CNTN5: variants seen among roughly 807,000 people sequenced by gnomAD.
CNTN5 encodes the protein contactin-5.
A neutral mutation model predicts 129.1 loss-of-function variants in CNTN5; 77 were observed. The observed-to-expected ratio is 0.60, with a 90% CI of 0.50 to 0.72. The LOEUF (loss-of-function observed/expected upper bound fraction) is 0.72. Ranked by LOEUF, CNTN5 falls within the 30% of genes least tolerant of loss-of-function variation. CNTN5 has a pLI of 0.00. For synonymous variants in CNTN5, 509 were observed against 465.6 expected (o/e 1.09, Z -1.20); for missense variants, 1,478 against 1,328.8 (o/e 1.11, Z -1.75).
At chr11:100,193,998 T>TA (rs1391399744) in intron 15 of CNTN5, among the ~76,000 whole-genome samples, 1 of 151,942 alleles carries the variant, frequency 6.6e-6, no homozygotes, top group East Asian at 1.9e-4. Context: ...GTAATTATGA[T>TA]AAAATAAATA....
chr11:99,480,964 A>T (rs1945574464), intron 2 of CNTN5, among the ~76,000 whole-genome samples: 2 of 152,172 alleles, frequency 1.3e-5, no homozygotes, highest in African/African-American at 2.4e-5. Flanking sequence ...CACGAAATTC[A>T]CTTGCATATG....
At chr11:99,447,777 T>C (rs1412628567) in intron 2 of CNTN5, among the ~76,000 whole-genome samples, 1 of 151,988 alleles carries the variant, frequency 6.6e-6, no homozygotes, top group Non-Finnish European at 1.5e-5. Context: ...ATACAAAAAC[T>C]AGCTGGGTGT....
At chr11:99,850,235 T>A (rs993676829) in intron 6 of CNTN5, among the ~76,000 whole-genome samples, 4 of 152,262 alleles carry the variant, frequency 2.6e-5, no homozygotes, top group African/African-American at 9.6e-5. Context: ...TAATAAAACC[T>A]TTTCCTCATA....
At chr11:99,131,249 G>GAAAAAAAAAAAAAAAAAAAA (rs71046664) in intron 1 of CNTN5, among the ~76,000 whole-genome samples, 1 of 67,190 alleles carries the variant, frequency 1.5e-5, no homozygotes, top group Non-Finnish European at 2.4e-5. Flanking sequence ...CTCCATCTCA[G>GAAAAAAAAAAAAAAAAAAAA]AAAAAAAAAA....
intron 1 of CNTN5, among the ~76,000 whole-genome samples, chr11:99,256,294 A>C (rs543250540): frequency 3.9e-5 from 6 of 152,186 alleles, no homozygotes; most frequent in South Asian, 4.1e-4. Flanking sequence ...ATTTTTATAA[A>C]TAGAGACTTT....
At chr11:99,341,369 T>C (rs1866505804) in intron 2 of CNTN5, among the ~76,000 whole-genome samples, 1 of 152,192 alleles carries the variant, frequency 6.6e-6, no homozygotes, top group South Asian at 2.1e-4. Context: ...ATATATAATC[T>C]CATTTTATAT....
intron 9 of CNTN5, among the ~76,000 whole-genome samples, chr11:100,010,190 T>G (rs1940440157): frequency 6.6e-6 from 1 of 152,128 alleles, no homozygotes; most frequent in South Asian, 2.1e-4. Flanking sequence ...ACATTGGTGA[T>G]GTTTTCAACT....
chr11:99,915,857 A>G (rs962526950), intron 6 of CNTN5, among the ~76,000 whole-genome samples, 197 bp from the exon 7 acceptor site: 1 of 152,120 alleles, frequency 6.6e-6, no homozygotes, highest in Non-Finnish European at 1.5e-5. Flanking sequence ...TGGTTTTTCT[A>G]TGGGTGGTAT....
At chr11:99,230,524 A>G (rs1211369400) in intron 1 of CNTN5, among the ~76,000 whole-genome samples, 1 of 152,214 alleles carries the variant, frequency 6.6e-6, no homozygotes, top group Non-Finnish European at 1.5e-5. Flanking sequence ...TTTAGGAAGA[A>G]GCAGAGCAAC....
At chr11:100,121,538 G>A (rs1204161878) in intron 13 of CNTN5, among the ~76,000 whole-genome samples, 1 of 151,972 alleles carries the variant, frequency 6.6e-6, no homozygotes, top group African/African-American at 2.4e-5. Context: ...CCTCTCCTTG[G>A]TGGGTCTGCC....
intron 1 of CNTN5, among the ~76,000 whole-genome samples, chr11:99,138,461 C>T (rs138915441): frequency 1.3e-5 from 2 of 152,168 alleles, no homozygotes; most frequent in African/African-American, 4.8e-5. Flanking sequence ...TTTACATAGA[C>T]ACAAATTGTC....
chr11:99,672,674 TTC>T (rs886704310), intron 3 of CNTN5, among the ~76,000 whole-genome samples: 4 of 150,582 alleles, frequency 2.7e-5, no homozygotes, highest in South Asian at 2.1e-4. Flanking sequence ...CTCTCCAATT[TTC>T]TCTCTCTCTT....
chr11:99,586,650 C>A (rs1949802691), intron 3 of CNTN5, among the ~76,000 whole-genome samples: 1 of 152,132 alleles, frequency 6.6e-6, no homozygotes, highest in South Asian at 2.1e-4. Flanking sequence ...CTGTAAACTT[C>A]TGGAGGGAAG....
At chr11:99,203,893 C>T (rs930067062) in intron 1 of CNTN5, among the ~76,000 whole-genome samples, 7 of 152,218 alleles carry the variant, frequency 4.6e-5, no homozygotes, top group Non-Finnish European at 7.4e-5. Flanking sequence ...CCACCAAGCC[C>T]GGCCTCATAT....
intron 13 of CNTN5, among the ~76,000 whole-genome samples, chr11:100,143,581 C>T (rs1330962772): frequency 2.0e-5 from 3 of 151,904 alleles, no homozygotes; most frequent in Admixed American, 6.6e-5. Context: ...GGACCAGTTC[C>T]GGGAAAAAAG....
At chr11:100,035,961 C>G (rs1941971875) in intron 9 of CNTN5, among the ~76,000 whole-genome samples, 1 of 152,108 alleles carries the variant, frequency 6.6e-6, no homozygotes, top group African/African-American at 2.4e-5. Context: ...TGCAGAAGCT[C>G]TTTAGTTTAA....
At chr11:100,132,763 T>G (rs1176453753) in intron 13 of CNTN5, among the ~76,000 whole-genome samples, 1 of 152,154 alleles carries the variant, frequency 6.6e-6, no homozygotes, top group Non-Finnish European at 1.5e-5. Flanking sequence ...GTATTATGAA[T>G]GCACCAAAGG....
At chr11:100,335,236 T>G (rs547852928) in intron 21 of CNTN5, among the ~76,000 whole-genome samples, 2 of 152,224 alleles carry the variant, frequency 1.3e-5, no homozygotes, top group African/African-American at 4.8e-5. Context: ...CTCAATGGTT[T>G]TATATGACTG....
chr11:99,100,463 T>G (rs902225992), intron 1 of CNTN5, among the ~76,000 whole-genome samples: 1 of 152,178 alleles, frequency 6.6e-6, no homozygotes, highest in Non-Finnish European at 1.5e-5. Flanking sequence ...TTTTTTGGCT[T>G]TCATTTGTTT....
Sources: allele counts gnomAD v4.1 joint callset (sites outside exome capture counted in the v4.1 genomes callset), GRCh38; gene constraint gnomAD v4.1.1; transcripts MANE v1.5; gene names NCBI Gene and HGNC (gene_info 2026-07-23, HGNC 2026-07-21).